ARIH2: variants seen among roughly 807,000 people sequenced by gnomAD.
ARIH2 encodes the protein E3 ubiquitin-protein ligase ARIH2.
ARIH2 carries 12 observed loss-of-function variants against 79.8 expected under a neutral mutation model. The ratio of observed to expected loss-of-function variants is 0.15; its 90% confidence interval spans 0.10 to 0.24. The LOEUF is 0.24. ARIH2 is among the 10% of genes least tolerant of loss of function. ARIH2 has a pLI of 1.00. For synonymous variants in ARIH2, 224 were observed against 213.9 expected (o/e 1.05, Z -0.41); for missense variants, 301 against 618.3 (o/e 0.49, Z 5.44).
rs2092335197 is a variant in ARIH2, at chr3:48,973,239, CA to C, written c.771-458del. Among the ~76,000 whole-genome samples the C allele has an allele frequency of 2.6e-5, 4 of 152,076 alleles. No individual in the cohort carries two copies. In the South Asian group the frequency reaches 8.3e-4, roughly 32 times the overall value. On this transcript the variant is annotated intron_variant, in intron 8 of 15. Transcript: ENST00000356401. ...CGGGCAGATCTCGAGGTCAAGAGATCAAGACTATCCTGGCCAACATGGTGAA... is the reference window on the plus strand; with the variant it reads ...CGGGCAGATCTCGAGGTCAAGAGATCAGACTATCCTGGCCAACATGGTGAA...
At chr3:48,940,808 A>AAAATATATATATAT (rs759369585) in intron 3 of ARIH2, among the ~76,000 whole-genome samples, 1 of 98,048 alleles carries the variant, frequency 1.0e-5, no homozygotes, top group African/African-American at 4.1e-5. Context: ...AAAAAAAAAA[A>AAAATATATATATAT]ATATATATAT....
At chr3:48,947,200 G>C (rs562540976) in intron 3 of ARIH2, among the ~76,000 whole-genome samples, 4 of 152,218 alleles carry the variant, frequency 2.6e-5, no homozygotes, top group Non-Finnish European at 5.9e-5. Context: ...CAGCTCTTTG[G>C]GAGGCCGAGG....
chr3:48,972,442 A>T (rs1165280431), intron 8 of ARIH2, among the ~76,000 whole-genome samples: 2 of 151,884 alleles, frequency 1.3e-5, no homozygotes, highest in Admixed American at 1.3e-4. Context: ...CAGGAGTTCC[A>T]AGACTAGCCT....
chr3:48,919,151 A>G (rs904921654), intron 1 of ARIH2, 153 bp downstream of exon 1: 4 of 1,292,420 alleles, frequency 3.1e-6, no homozygotes, highest in East Asian at 3.0e-5. Flanking sequence ...TCCGAGCATT[A>G]CCCGCCGTCA....
Position 48,981,308 on chromosome 3 carries a change from G to T in ARIH2, c.1258-352G>T, listed in dbSNP as rs368916609. Among the ~76,000 whole-genome samples the T allele has an allele frequency of 5.9e-5, 9 of 151,928 alleles. No homozygotes were observed. In the East Asian group the frequency reaches 1.5e-3, roughly 26 times the overall value. On this transcript the variant is annotated intron_variant, in intron 13 of 15. Coordinates refer to ENST00000356401, the MANE Select transcript of ARIH2 (RefSeq NM_006321.4). ...GATTGCACCACTGCACTCCAGCCTG[G>T]GCAACAGAACAAAACCTTGTTTCAA...
intron 9 of ARIH2, among the ~76,000 whole-genome samples, chr3:48,974,288 G>A (rs1228226071): frequency 6.6e-6 from 1 of 152,234 alleles, no homozygotes; most frequent in Non-Finnish European, 1.5e-5. Flanking sequence ...CACAAGCACA[G>A]TTACGATAAC....
chr3:48,962,333 T>C (rs1199672770), intron 4 of ARIH2, among the ~76,000 whole-genome samples: 1 of 151,732 alleles, frequency 6.6e-6, no homozygotes, highest in African/African-American at 2.4e-5. Flanking sequence ...GCCGAGATTG[T>C]GCCACTGCAC....
intron 2 of ARIH2, among the ~76,000 whole-genome samples, chr3:48,925,799 A>C (rs1576108050): frequency 6.6e-6 from 1 of 150,890 alleles, no homozygotes; most frequent in African/African-American, 2.4e-5. Context: ...GCTCACTGCA[A>C]CCTCCGACTC....
chr3:48,925,554 C>T (rs1439307592), intron 2 of ARIH2, among the ~76,000 whole-genome samples: 1 of 151,874 alleles, frequency 6.6e-6, no homozygotes, highest in Non-Finnish European at 1.5e-5. Flanking sequence ...GAGCCACACC[C>T]TCAGTCTTTG....
At chr3:48,952,595 T>G (rs1180136132) in intron 3 of ARIH2, among the ~76,000 whole-genome samples, 2 of 152,030 alleles carry the variant, frequency 1.3e-5, no homozygotes. Context: ...AACTAGAGAT[T>G]GGACACTGGA....
chr3:48,971,279 C>G (rs1375408907), intron 8 of ARIH2, among the ~76,000 whole-genome samples: 2 of 152,178 alleles, frequency 1.3e-5, no homozygotes, highest in Non-Finnish European at 2.9e-5. Context: ...GAGTCTTTCT[C>G]TGTAGCCCAG....
chr3:48,952,625 G>A (rs909149477), intron 3 of ARIH2, among the ~76,000 whole-genome samples: 3 of 152,140 alleles, frequency 2.0e-5, no homozygotes, highest in Admixed American at 1.3e-4. Flanking sequence ...ATGGGAGAGG[G>A]TAAAGTGGTT....
chr3:48,951,327 T>C (rs7430198), intron 3 of ARIH2, among the ~76,000 whole-genome samples: 102,528 of 151,844 alleles, frequency 0.68, 35,166 homozygotes, highest in East Asian at 0.96. Context: ...TTTTTCCCCC[T>C]GTGGAGTTTC....
intron 3 of ARIH2, among the ~76,000 whole-genome samples, chr3:48,947,783 A>G (rs1240181295): frequency 6.6e-6 from 1 of 152,196 alleles, no homozygotes; most frequent in Non-Finnish European, 1.5e-5. Context: ...GCTTTAAATA[A>G]TTGTACAGTG....
At chr3:48,927,418 G>A (rs924701221) in intron 2 of ARIH2, 44 bp from the exon 3 acceptor site, 3 of 1,052,806 alleles carry the variant, frequency 2.8e-6, no homozygotes, top group Non-Finnish European at 4.0e-6. Flanking sequence ...GTTACAACTT[G>A]TCATGGGGAA....
At chr3:48,967,987 T>C (rs2091909765) in intron 6 of ARIH2, 1 of 153,194 alleles carries the variant, frequency 6.5e-6, no homozygotes, top group African/African-American at 2.4e-5. Flanking sequence ...TTGTGTCTTC[T>C]GCAGTATGCT....
intron 3 of ARIH2, among the ~76,000 whole-genome samples, chr3:48,952,783 G>A (rs1294915210): frequency 6.6e-6 from 1 of 152,192 alleles, no homozygotes; most frequent in African/African-American, 2.4e-5. Context: ...TAGAGATCAA[G>A]AGGGGGTCAT....
At chr3:48,935,862 G>A (rs893482088) in intron 3 of ARIH2, among the ~76,000 whole-genome samples, 10 of 152,142 alleles carry the variant, frequency 6.6e-5, no homozygotes, top group Non-Finnish European at 1.5e-4. Flanking sequence ...ACACATTGAG[G>A]ATGGTTCTGG....
intron 15 of ARIH2, 44 bp downstream of exon 15, chr3:48,983,023 G>T (rs142153586): frequency 6.3e-7 from 1 of 1,579,594 alleles, no homozygotes; most frequent in East Asian, 2.2e-5. Context: ...GCAGGTAGAG[G>T]ACTGGCATGG....
Sources: gnomAD v4.1 joint callset for allele counts (sites outside exome capture counted in the v4.1 genomes callset) on GRCh38, gnomAD v4.1.1 for gene constraint, MANE v1.5 for transcripts, NCBI Gene and HGNC (gene_info 2026-07-23, HGNC 2026-07-21) for gene names.